NR5A2: variants seen among roughly 807,000 people sequenced by gnomAD.
NR5A2 encodes CYP7A promoter-binding factor.
In NR5A2, 26 loss-of-function variants were observed where a neutral mutation model predicts 62.7. The ratio of observed to expected loss-of-function variants is 0.41; its 90% CI spans 0.30 to 0.58. The LOEUF (loss-of-function observed/expected upper bound fraction) is 0.58. Ranked by LOEUF, NR5A2 falls within the 20% of genes least tolerant of loss-of-function variation. The pLI, the probability that NR5A2 is intolerant of heterozygous loss-of-function variation, is 0.22. For synonymous variants in NR5A2, 246 were observed against 241.7 expected, an observed-to-expected ratio of 1.02 and a Z score of -0.16; for missense variants, 541 against 669.1, an observed-to-expected ratio of 0.81 and a Z score of 2.11.
intron 5 of NR5A2, among the ~76,000 whole-genome samples, chr1:200,056,174 ATCTT>A (rs1471195304): frequency 1.3e-5 from 2 of 152,212 alleles, no homozygotes; most frequent in African/African-American, 4.8e-5. Flanking sequence ...GAAAGCCATT[ATCTT>A]TCTTCTTGCT....
intron 5 of NR5A2, among the ~76,000 whole-genome samples, chr1:200,061,840 A>G (rs945940315): frequency 3.3e-5 from 5 of 152,206 alleles, no homozygotes; most frequent in Admixed American, 6.5e-5. Context: ...ACCACCTCCT[A>G]TGAATTGACT....
In NR5A2 at chr1:200,040,639, G is replaced by C. The variant is rs931901701; in HGVS notation, c.202+844G>C. On this transcript the variant is annotated intron_variant, in intron 2 of 7. Coordinates refer to ENST00000367362, the MANE Select transcript of NR5A2 (RefSeq NM_205860.3). ...GGGAACAATGCTAGGAAAAGTCACCGGTGCTCTTCCATCCTCGCCCCTTCC... is the reference window on the plus strand; with the variant it reads ...GGGAACAATGCTAGGAAAAGTCACCCGTGCTCTTCCATCCTCGCCCCTTCC... 2.0e-5 allele frequency among the ~76,000 whole-genome samples: 3 copies of C among 152,204 alleles called. No homozygotes were observed. In the East Asian group the frequency reaches 5.8e-4, roughly 29 times the overall value.
At chr1:200,038,751 C>T (rs1381302408) in intron 1 of NR5A2, 1 of 1,365,566 alleles carries the variant, frequency 7.3e-7, no homozygotes, top group Non-Finnish European at 9.8e-7. Flanking sequence ...CACGCTCAGA[C>T]AGAGGTCGCT....
chr1:200,055,830 A>T (rs1239818947), intron 5 of NR5A2, among the ~76,000 whole-genome samples: 1 of 152,220 alleles, frequency 6.6e-6, no homozygotes, highest in Admixed American at 6.5e-5. Flanking sequence ...TAAGCCATCT[A>T]TTGCCAGTTC....
At chr1:200,034,744 T>C (rs1661692416) in intron 1 of NR5A2, among the ~76,000 whole-genome samples, 1 of 150,720 alleles carries the variant, frequency 6.6e-6, no homozygotes, top group Non-Finnish European at 1.5e-5. Flanking sequence ...GGGCTGATGT[T>C]GATGTCTTAA....
chr1:200,038,596 C>A, intron 1 of NR5A2: 1 of 723,940 alleles, frequency 1.4e-6, no homozygotes, highest in South Asian at 1.4e-5. Flanking sequence ...TTTCTCCTTT[C>A]AATGGTTTAA....
intron 7 of NR5A2, among the ~76,000 whole-genome samples, chr1:200,168,637 T>A (rs1654026077): frequency 6.6e-6 from 1 of 152,154 alleles, no homozygotes; most frequent in Non-Finnish European, 1.5e-5. Flanking sequence ...GAATTTAAAA[T>A]CTTGAGTTTC....
intron 1 of NR5A2, among the ~76,000 whole-genome samples, chr1:200,032,424 T>C (rs548600516): frequency 1.3e-4 from 19 of 151,538 alleles, no homozygotes; most frequent in African/African-American, 4.7e-4. Context: ...GAAAAGATAT[T>C]TGGAGTGTAA....
intron 1 of NR5A2, among the ~76,000 whole-genome samples, chr1:200,038,102 C>G (rs1205234548): frequency 6.6e-6 from 1 of 152,208 alleles, no homozygotes; most frequent in Non-Finnish European, 1.5e-5. Flanking sequence ...TGTTTTTCAT[C>G]TTGTTGGGAG....
chr1:200,059,475 T>C (rs1663086588), intron 5 of NR5A2, among the ~76,000 whole-genome samples: 1 of 152,154 alleles, frequency 6.6e-6, no homozygotes. Flanking sequence ...TTCCAGTACT[T>C]ATGCTTTTCC....
chr1:200,067,440 C>T (rs1663538349), intron 5 of NR5A2, among the ~76,000 whole-genome samples: 1 of 152,218 alleles, frequency 6.6e-6, no homozygotes, highest in South Asian at 2.1e-4. Context: ...CCTGTAATCC[C>T]AGCTACTCAC....
intron 5 of NR5A2, among the ~76,000 whole-genome samples, chr1:200,051,502 A>G (rs1402932133): frequency 1.3e-5 from 2 of 152,236 alleles, no homozygotes; most frequent in Non-Finnish European, 2.9e-5. Context: ...TGTTTAATGC[A>G]TTTATCAGTC....
chr1:200,049,869 CT>C (rs1192159724), intron 5 of NR5A2, among the ~76,000 whole-genome samples: 4 of 152,136 alleles, frequency 2.6e-5, no homozygotes, highest in African/African-American at 9.7e-5. Context: ...AGTAGATGGT[CT>C]GGGGAATGTG....
At chr1:200,031,468 T>A (rs905238825) in intron 1 of NR5A2, among the ~76,000 whole-genome samples, 1 of 151,962 alleles carries the variant, frequency 6.6e-6, no homozygotes, top group African/African-American at 2.4e-5. Context: ...GATGCTGTGA[T>A]TGTGCCATTG....
At chr1:200,043,684 C>T (rs1662225838) in intron 2 of NR5A2, 90 bp from the exon 3 acceptor site, 1 of 727,378 alleles carries the variant, frequency 1.4e-6, no homozygotes, top group Non-Finnish European at 2.2e-6. Context: ...TGATATTTGC[C>T]CAGCAATCAC....
chr1:200,086,392 C>A (rs893472774), intron 5 of NR5A2, among the ~76,000 whole-genome samples: 2 of 152,188 alleles, frequency 1.3e-5, no homozygotes, highest in Non-Finnish European at 1.5e-5. Flanking sequence ...CAACCTCTGC[C>A]TCCTGGGTTC....
chr1:200,107,306 T>TC (rs1665728418), intron 5 of NR5A2, among the ~76,000 whole-genome samples: 1 of 151,300 alleles, frequency 6.6e-6, no homozygotes, highest in Admixed American at 6.6e-5. Context: ...TAAGTGGCTT[T>TC]TTTTTTTTTT....
chr1:200,108,278 A>G (rs149844485), intron 5 of NR5A2, among the ~76,000 whole-genome samples: 2 of 151,606 alleles, frequency 1.3e-5, no homozygotes, highest in South Asian at 2.1e-4. Flanking sequence ...TAATCTCCCT[A>G]TGTTGCCCAG....
Position 200,039,557 on chromosome 1 carries a change from C to G in NR5A2, c.65-101C>G. 6.4e-7 allele frequency: 1 copy of G among 1,551,784 alleles called. No individual in the cohort carries two copies. Among genetic ancestry groups the G allele is most frequent in the Non-Finnish European group, 8.8e-7 (1 of 1,138,870 alleles). On this transcript the variant is annotated intron_variant, in intron 1 of 7. Transcript: ENST00000367362. The surrounding 1 kb of genome is among the most constrained non-coding windows in gnomAD (Gnocchi z 5.1). ...GTCCTGCCCGGCAGCCCCGAGGAGG[C>G]GGAGGCACGCTCCGGCGAGGCGAGA...
Sources: gnomAD v4.1 joint callset for allele counts (sites outside exome capture counted in the v4.1 genomes callset) on GRCh38, gnomAD v4.1.1 for gene constraint, Gnocchi (gnomAD v3.1) non-coding constraint, MANE v1.5 for transcripts, NCBI Gene and HGNC (gene_info 2026-07-23, HGNC 2026-07-21) for gene names.